RGS20: variants seen among roughly 807,000 people sequenced by gnomAD.
The protein encoded by RGS20 is regulator of G protein signaling 20, also known as gz-selective GTPase-activating protein.
In RGS20, 30 loss-of-function variants were observed where a neutral mutation model predicts 33.6. That is an observed-to-expected ratio of 0.89 (90% confidence interval 0.67 to 1.21). The LOEUF (loss-of-function observed/expected upper bound fraction) is 1.21. Ranked by LOEUF, RGS20 falls within the 50% of genes most tolerant of loss-of-function variation. RGS20 has a pLI of 0.00. For missense variants in RGS20, 472 were observed against 502.4 expected, an observed-to-expected ratio of 0.94 and a Z score of 0.58; for synonymous variants, 208 against 197.9, an observed-to-expected ratio of 1.05 and a Z score of -0.43.
intron 2 of RGS20, among the ~76,000 whole-genome samples, chr8:53,917,491 A>T (rs74304174): frequency 0.049 from 7,460 of 151,994 alleles, 485 homozygotes; most frequent in African/African-American, 0.15. Context: ...CATTATCTCC[A>T]TTTTCCTTAT....
chr8:53,940,868 G>A (rs1754291218), intron 3 of RGS20, among the ~76,000 whole-genome samples: 1 of 152,184 alleles, frequency 6.6e-6, no homozygotes, highest in South Asian at 2.1e-4. Flanking sequence ...GAGGAAACAC[G>A]TGGGTGTCCA....
chr8:53,852,221 C>T (rs989988956), intron 1 of RGS20, among the ~76,000 whole-genome samples: 4 of 152,148 alleles, frequency 2.6e-5, no homozygotes, highest in Admixed American at 6.5e-5. Flanking sequence ...AAATCTAGAA[C>T]CTAGATGATA....
At chr8:53,952,244 A>ATTTTT (rs993312770) in intron 4 of RGS20, among the ~76,000 whole-genome samples, 2 of 88,248 alleles carry the variant, frequency 2.3e-5, no homozygotes, top group Admixed American at 1.2e-4. Context: ...TGCCCAGCTA[A>ATTTTT]TTTTTTTTTT....
At chr8:53,921,058 C>A (rs1205974474) in intron 2 of RGS20, among the ~76,000 whole-genome samples, 1 of 152,198 alleles carries the variant, frequency 6.6e-6, no homozygotes, top group Non-Finnish European at 1.5e-5. Flanking sequence ...CTGTGCCTGA[C>A]AAAATAATCT....
In RGS20 at chr8:53,881,095, C is replaced by T. The variant is rs774530875; in HGVS notation, c.510+1493C>T. ...GTGGACGGTGGGCTCGTGAGTATCCCAGTTCCTCGAACTCTCTTTCTTCGT... is the reference window on the plus strand; with the variant it reads ...GTGGACGGTGGGCTCGTGAGTATCCTAGTTCCTCGAACTCTCTTTCTTCGT... On this transcript the variant is annotated intron_variant, in intron 2 of 5. Transcript: ENST00000297313. The T allele has an allele frequency of 3.9e-6, 6 of 1,522,750 alleles. No homozygotes were observed. The South Asian group carries it at 7.4e-5, about 19-fold the overall frequency. The allele number at this position is 1,522,750 out of a possible 1,614,324, so 94.3% of individuals were successfully genotyped here.
chr8:53,954,678 A>G (rs1311992496), intron 5 of RGS20, among the ~76,000 whole-genome samples: 1 of 147,516 alleles, frequency 6.8e-6, no homozygotes, highest in Non-Finnish European at 1.5e-5. Flanking sequence ...AAACTAAACA[A>G]AAGTAATTGC....
chr8:53,874,262 G>A (rs767796628), intron 1 of RGS20, among the ~76,000 whole-genome samples: 10 of 152,206 alleles, frequency 6.6e-5, no homozygotes, highest in South Asian at 4.1e-4. Context: ...CTTTGGCTTC[G>A]GTGTTGAGAT....
chr8:53,905,775 G>T (rs1156375046), intron 2 of RGS20, among the ~76,000 whole-genome samples: 2 of 152,168 alleles, frequency 1.3e-5, no homozygotes, highest in Non-Finnish European at 2.9e-5. Context: ...TAACTTCATT[G>T]TGTAAATTCT....
intron 1 of RGS20, among the ~76,000 whole-genome samples, chr8:53,864,961 C>T (rs561128999): frequency 1.2e-4 from 18 of 152,258 alleles, no homozygotes; most frequent in African/African-American, 3.6e-4. Context: ...AATTCAGTCG[C>T]GTCCAACTCA....
intron 2 of RGS20, among the ~76,000 whole-genome samples, chr8:53,928,661 T>C (rs1373099953): frequency 6.6e-6 from 1 of 151,910 alleles, no homozygotes; most frequent in Admixed American, 6.6e-5. Flanking sequence ...CCATCTCTAC[T>C]GAAAATACAA....
chr8:53,898,052 C>T (rs1260427572), intron 2 of RGS20, among the ~76,000 whole-genome samples: 2 of 152,170 alleles, frequency 1.3e-5, no homozygotes, highest in African/African-American at 4.8e-5. Flanking sequence ...CTCTGTTCCT[C>T]AGCAGGGCTG....
intron 2 of RGS20, among the ~76,000 whole-genome samples, chr8:53,898,884 T>C (rs1481452304): frequency 6.6e-6 from 1 of 152,236 alleles, no homozygotes; most frequent in Non-Finnish European, 1.5e-5. Flanking sequence ...ATCTTTGTAC[T>C]GACGTATGCC....
intron 2 of RGS20, among the ~76,000 whole-genome samples, chr8:53,907,793 G>C (rs1336713276): frequency 2.6e-5 from 4 of 151,996 alleles, no homozygotes; most frequent in Non-Finnish European, 5.9e-5. Flanking sequence ...AGGAAATGAG[G>C]GGCCAAAAGA....
chr8:53,933,267 G>T (rs372910413), intron 2 of RGS20, among the ~76,000 whole-genome samples: 1 of 152,238 alleles, frequency 6.6e-6, no homozygotes, highest in South Asian at 2.1e-4. Context: ...TGAGTTTGAC[G>T]CATTGACAGA....
chr8:53,879,286 C>T lies in RGS20; in HGVS notation c.194C>T (p.Ser65Leu), dbSNP rs976161438. The T allele has an allele frequency of 1.2e-6, 2 of 1,613,798 alleles. No homozygotes were observed. Among genetic ancestry groups the T allele is most frequent in the Non-Finnish European group, 1.7e-6 (2 of 1,179,982 alleles). ...TTCCCGCCTGCACAGCTCCCAGACT[C>T]GCCCGCCGCCCCGAAGCTGTTCGGC... is the stretch of plus-strand genomic sequence containing the variant. The change falls in exon 2 of 6, where the codon TCG (serine) becomes TTG (leucine). Residue 65 changes from serine (S) to leucine (L), a missense_variant. Transcript: ENST00000297313.
chr8:53,908,925 T>C (rs989040103), intron 2 of RGS20, among the ~76,000 whole-genome samples: 1 of 151,938 alleles, frequency 6.6e-6, no homozygotes, highest in African/African-American at 2.4e-5. Context: ...GGGAAGGAAA[T>C]GCAAAATAAA....
intron 2 of RGS20, among the ~76,000 whole-genome samples, chr8:53,904,025 G>A (rs1275423772): frequency 2.0e-5 from 3 of 152,084 alleles, no homozygotes; most frequent in African/African-American, 4.8e-5. Context: ...GAGGAGTTGA[G>A]GATGATGAGT....
chr8:53,894,123 C>A (rs1812789675), intron 2 of RGS20, among the ~76,000 whole-genome samples: 1 of 151,968 alleles, frequency 6.6e-6, no homozygotes, highest in African/African-American at 2.4e-5. Flanking sequence ...GCCATTTTAC[C>A]CAATACGTTA....
chr8:53,920,434 T>C (rs1462008175), intron 2 of RGS20, among the ~76,000 whole-genome samples: 1 of 152,188 alleles, frequency 6.6e-6, no homozygotes, highest in Non-Finnish European at 1.5e-5. Context: ...TTAGTGGAAT[T>C]CTTAGGATTT....
Sources: gnomAD v4.1 joint callset for allele counts (sites outside exome capture counted in the v4.1 genomes callset) on GRCh38, gnomAD v4.1.1 for gene constraint, MANE v1.5 for transcripts, NCBI Gene and HGNC (gene_info 2026-07-23, HGNC 2026-07-21) for gene names.